Variants in PTPRD observed in about 807,000 individuals in gnomAD.
PTPRD encodes the protein receptor-type tyrosine-protein phosphatase delta.
Under a neutral mutation model 214.5 loss-of-function variants are expected in PTPRD, and 34 were observed. That is an observed-to-expected ratio of 0.16 (90% confidence interval 0.12 to 0.21). The LOEUF (loss-of-function observed/expected upper bound fraction) is 0.21. Among genes scored for constraint, PTPRD ranks in the 10% least tolerant of loss-of-function variants. The pLI is 1.00. For synonymous variants in PTPRD, 1,128 were observed against 845.7 expected, an observed-to-expected ratio of 1.33 and a Z score of -5.79; for missense variants, 2,545 against 2,398.7, an observed-to-expected ratio of 1.06 and a Z score of -1.27.
chr9:9,108,406 G>T (rs1157851541), intron 10 of PTPRD, among the ~76,000 whole-genome samples: 2 of 152,090 alleles, frequency 1.3e-5, no homozygotes, highest in Non-Finnish European at 2.9e-5. Context: ...GGTAGGCTGT[G>T]CTATGCTGCA....
chr9:8,497,627 T>G (rs1437498640), intron 25 of PTPRD, among the ~76,000 whole-genome samples: 1 of 152,222 alleles, frequency 6.6e-6, no homozygotes, highest in Non-Finnish European at 1.5e-5. Context: ...TAGATTAATA[T>G]CTTTCATTAT....
intron 14 of PTPRD, among the ~76,000 whole-genome samples, chr9:8,561,440 C>G (rs181508541): frequency 2.6e-5 from 4 of 152,262 alleles, no homozygotes; most frequent in African/African-American, 9.6e-5. Context: ...CCTCATTTTT[C>G]TTGGACGCAG....
chr9:8,973,967 G>C (rs139041478), intron 11 of PTPRD, among the ~76,000 whole-genome samples: 61 of 152,020 alleles, frequency 4.0e-4, no homozygotes, highest in African/African-American at 1.4e-3. Flanking sequence ...TTAGACCTTT[G>C]TCAGATTCAT....
At chr9:9,267,631 A>C (rs1404913102) in intron 9 of PTPRD, among the ~76,000 whole-genome samples, 1 of 151,232 alleles carries the variant, frequency 6.6e-6, no homozygotes, top group Non-Finnish European at 1.5e-5. Context: ...AAATTCTCAA[A>C]AATTACCAGC....
At chr9:9,668,971 T>TG (rs978894567) in intron 7 of PTPRD, among the ~76,000 whole-genome samples, 8 of 151,996 alleles carry the variant, frequency 5.3e-5, no homozygotes, top group South Asian at 2.1e-4. Flanking sequence ...GCTACTGTAG[T>TG]GGGAAAAAAA....
intron 2 of PTPRD, among the ~76,000 whole-genome samples, chr9:10,527,822 C>T (rs2054775540): frequency 6.6e-6 from 1 of 152,052 alleles, no homozygotes; most frequent in African/African-American, 2.4e-5. Flanking sequence ...GCATATAATT[C>T]ATTCTGCCTA....
chr9:10,518,765 C>T, intron 2 of PTPRD, among the ~76,000 whole-genome samples: 1 of 152,020 alleles, frequency 6.6e-6, no homozygotes, highest in Admixed American at 6.6e-5. Flanking sequence ...ATCTCCTGAC[C>T]TCGTGATCTG....
intron 3 of PTPRD, among the ~76,000 whole-genome samples, chr9:10,276,962 C>A (rs903741682): frequency 1.3e-5 from 2 of 151,990 alleles, no homozygotes; most frequent in African/African-American, 2.4e-5. Context: ...AAAGAATAAT[C>A]CAATTATTTT....
intron 39 of PTPRD, among the ~76,000 whole-genome samples, chr9:8,346,913 C>A (rs559040087): frequency 4.6e-5 from 7 of 152,220 alleles, no homozygotes; most frequent in African/African-American, 1.4e-4. Flanking sequence ...TGTTGCACCT[C>A]AAACTGCAAA....
At chr9:10,286,478 A>AT (rs1299491505) in intron 3 of PTPRD, among the ~76,000 whole-genome samples, 7 of 152,206 alleles carry the variant, frequency 4.6e-5, no homozygotes, top group African/African-American at 4.8e-5. Context: ...AAATTAAAAA[A>AT]AAATTAAATC....
intron 11 of PTPRD, among the ~76,000 whole-genome samples, chr9:8,799,142 T>C (rs766207812): frequency 3.3e-5 from 5 of 152,222 alleles, no homozygotes; most frequent in Non-Finnish European, 5.9e-5. Flanking sequence ...CACAGGTATC[T>C]ATAAGAAACT....
chr9:9,238,231 C>T (rs770970620), intron 9 of PTPRD, among the ~76,000 whole-genome samples: 5 of 152,002 alleles, frequency 3.3e-5, no homozygotes, highest in Non-Finnish European at 5.9e-5. Context: ...GTCTGAAGCT[C>T]TGCTGTGTTT....
At chr9:9,903,600 C>G (rs1011230866) in intron 5 of PTPRD, among the ~76,000 whole-genome samples, 3 of 152,044 alleles carry the variant, frequency 2.0e-5, no homozygotes, top group African/African-American at 4.8e-5. Context: ...TTAATATTTA[C>G]TGAAAGAATA....
chr9:8,380,713 C>T (rs1420886444), intron 37 of PTPRD, among the ~76,000 whole-genome samples: 1 of 152,040 alleles, frequency 6.6e-6, no homozygotes. Context: ...TTGCAAATAT[C>T]TGGTAGGAGC....
chr9:10,531,453 T>C (rs1317280049), intron 2 of PTPRD, among the ~76,000 whole-genome samples: 1 of 152,108 alleles, frequency 6.6e-6, no homozygotes, highest in Non-Finnish European at 1.5e-5. Flanking sequence ...CACATTAAAA[T>C]AGATGGGAGC....
At chr9:9,931,360 T>C (rs2086457061) in intron 5 of PTPRD, among the ~76,000 whole-genome samples, 4 of 152,166 alleles carry the variant, frequency 2.6e-5, no homozygotes, top group Admixed American at 1.3e-4. Flanking sequence ...CGCAGGTCAG[T>C]GGGTGCGTGC....
intron 36 of PTPRD, among the ~76,000 whole-genome samples, chr9:8,397,715 G>A (rs534278193): frequency 4.6e-5 from 7 of 152,068 alleles, no homozygotes; most frequent in Non-Finnish European, 8.8e-5. Flanking sequence ...CATTACAGAA[G>A]GAATAGCAGT....
chr9:8,916,947 A>C (rs2098790262), intron 11 of PTPRD, among the ~76,000 whole-genome samples: 1 of 152,172 alleles, frequency 6.6e-6, no homozygotes, highest in Non-Finnish European at 1.5e-5. Context: ...CATAAACCAC[A>C]GGGTTCAAGC....
rs181447906 is a variant in PTPRD, at chr9:9,959,725, C to A, written c.-471-21115G>T. 2.0e-3 allele frequency among the ~76,000 whole-genome samples: 309 copies of A among 152,152 alleles called. 2 individuals carry two copies. The highest frequency in any genetic ancestry group is 6.8e-3 in the African/African-American group (283 of 41,516). ...TTGTTTTCCACAGGGTACAGGTTAA[C>A]AATTCTGATACTGCTACATGAATGT... On this transcript the variant is annotated intron_variant, in intron 4 of 45. Transcript: ENST00000381196.
Sources: allele counts gnomAD v4.1 joint callset (sites outside exome capture counted in the v4.1 genomes callset), GRCh38; gene constraint gnomAD v4.1.1; transcripts MANE v1.5; gene names NCBI Gene and HGNC (gene_info 2026-07-23, HGNC 2026-07-21).